The following CDH7 variants were observed in gnomAD, a reference collection of about 807,000 sequenced individuals.
The protein encoded by CDH7 is cadherin 7, also known as cadherin-7.
Under a neutral mutation model 71.8 loss-of-function variants are expected in CDH7, and 25 were observed. That is an observed-to-expected ratio of 0.35 (90% CI 0.25 to 0.49). The LOEUF (loss-of-function observed/expected upper bound fraction) is 0.49. Ranked by LOEUF, CDH7 falls within the 20% of genes least tolerant of loss-of-function variation. The pLI is 0.99. For missense variants in CDH7, 862 were observed against 974.6 expected (o/e 0.88, Z 1.54); for synonymous variants, 381 against 363.8 (o/e 1.05, Z -0.54).
At position 65,756,058 on chromosome 18, in the gene CDH7, G is replaced by A. The variant is rs547711181; in HGVS notation, c.-197+4908G>A. Among the ~76,000 whole-genome samples, 4 of 152,252 alleles carry A rather than the reference G, an allele frequency of 2.6e-5. 1 individual carries two copies. The South Asian group carries it at 8.3e-4, about 32-fold the overall frequency. On this transcript the variant is annotated intron_variant, in intron 1 of 11. Coordinates refer to ENST00000397968, the MANE Select transcript of CDH7 (RefSeq NM_004361.5). ...GTTCATCTTAAAACAATGGTAATAT[G>A]TTTCATAGTTCCCTTGCTGTGGAAT...
chr18:65,807,851 G>A (rs1262232533), intron 2 of CDH7, among the ~76,000 whole-genome samples: 2 of 152,128 alleles, frequency 1.3e-5, no homozygotes, highest in Non-Finnish European at 2.9e-5. Context: ...GAAGATTTGG[G>A]GGGGTGATCA....
rs1261593273 is a variant in CDH7, at chr18:65,785,434, AT to A, written c.210+22387del. ...GTTGTAGCATGGAATTAATTGAGTCATTTTTGAGGCAAATACTGGTCATTTA... is the reference window on the plus strand; with the variant it reads ...GTTGTAGCATGGAATTAATTGAGTCATTTTGAGGCAAATACTGGTCATTTA... On this transcript the variant is annotated intron_variant, in intron 2 of 11. Transcript: ENST00000397968. 9.9e-5 allele frequency among the ~76,000 whole-genome samples: 15 copies of A among 152,246 alleles called. 1 individual carries two copies. The Middle Eastern group carries it at 0.017, about 173-fold the overall frequency.
intron 2 of CDH7, among the ~76,000 whole-genome samples, chr18:65,793,924 G>A (rs28374142): frequency 6.6e-6 from 1 of 152,014 alleles, no homozygotes; most frequent in African/African-American, 2.4e-5. Context: ...GAATAATTTT[G>A]CTATAGAATT....
In CDH7 at chr18:65,805,153, G is replaced by A. The variant is rs1472142749; in HGVS notation, c.211-4551G>A. Among the ~76,000 whole-genome samples the A allele has an allele frequency of 8.6e-5, 13 of 151,746 alleles. 1 individual carries two copies. Among genetic ancestry groups the A allele is most frequent in the Admixed American group, 8.5e-4 (13 of 15,246 alleles). ...CTAAAGGAGTTTATAAATTAAAGTT[G>A]GATATAAAAATAACTAGATTTTCAA... On this transcript the variant is annotated intron_variant, in intron 2 of 11. Coordinates refer to ENST00000397968, the MANE Select transcript of CDH7 (RefSeq NM_004361.5).
At chr18:65,832,085 T>A (rs957106890) in intron 6 of CDH7, among the ~76,000 whole-genome samples, 1 of 152,190 alleles carries the variant, frequency 6.6e-6, no homozygotes, top group Non-Finnish European at 1.5e-5. Context: ...AATGTCCATC[T>A]GGATAGAGTC....
chr18:65,780,009 G>A (rs1334757597), intron 2 of CDH7, among the ~76,000 whole-genome samples: 1 of 110,208 alleles, frequency 9.1e-6, no homozygotes, highest in African/African-American at 5.7e-5. Context: ...ACTGGTGTGA[G>A]ATTATATCTC....
intron 4 of CDH7, among the ~76,000 whole-genome samples, chr18:65,816,567 A>C (rs1911732338): frequency 6.6e-6 from 1 of 152,220 alleles, no homozygotes; most frequent in Admixed American, 6.5e-5. Context: ...AACCATAGGC[A>C]CAGGCCATCA....
intron 7 of CDH7, among the ~76,000 whole-genome samples, chr18:65,848,463 A>AT: frequency 6.6e-6 from 1 of 152,346 alleles, no homozygotes; most frequent in East Asian, 1.9e-4. Context: ...TAAGATAAAT[A>AT]ATCAGCACTC....
chr18:65,858,344 G>A, intron 8 of CDH7, among the ~76,000 whole-genome samples: 1 of 151,738 alleles, frequency 6.6e-6, no homozygotes, highest in African/African-American at 2.4e-5. Flanking sequence ...CCTCATAAAA[G>A]ATAAAATAAT....
intron 3 of CDH7, 111 bp from the exon 4 acceptor site, chr18:65,814,372 GAT>G: frequency 8.2e-7 from 1 of 1,218,326 alleles, no homozygotes; most frequent in Non-Finnish European, 1.2e-6. Flanking sequence ...TCTTGAAAAA[GAT>G]AAATGAAAAT....
chr18:65,768,751 A>G (rs1916454726), intron 2 of CDH7, among the ~76,000 whole-genome samples: 1 of 152,168 alleles, frequency 6.6e-6, no homozygotes, highest in African/African-American at 2.4e-5. Flanking sequence ...GAGCATATGT[A>G]GGCAAGGACT....
At chr18:65,860,055 C>A (rs986813543) in intron 10 of CDH7, among the ~76,000 whole-genome samples, 39 of 152,090 alleles carry the variant, frequency 2.6e-4, no homozygotes, top group African/African-American at 9.4e-4. Flanking sequence ...TTAGATTTTT[C>A]TCATTCTTTT....
At chr18:65,810,869 G>C (rs1911509314) in intron 3 of CDH7, among the ~76,000 whole-genome samples, 1 of 152,146 alleles carries the variant, frequency 6.6e-6, no homozygotes, top group Non-Finnish European at 1.5e-5. Flanking sequence ...TTTAAAACAT[G>C]AAGGCTTTTT....
Position 65,762,779 on chromosome 18 carries a change from G to C in CDH7, c.-64G>C. The C allele has an allele frequency of 3.5e-6, 5 of 1,420,740 alleles. No individual in the cohort carries two copies. The highest frequency in any genetic ancestry group is 3.9e-6 in the Non-Finnish European group (4 of 1,037,478). The allele number at this position is 1,420,740 out of a possible 1,614,324, so 88.0% of individuals were successfully genotyped here. A position where few individuals can be genotyped will look rare whatever the true frequency, so the allele number is the denominator to read the frequency against. ...GAGGCAAGAGCTACTAAGCCAACTG[G>C]AACTGTGCCTTTTCTCTTGTCAAGG... On this transcript the variant is annotated 5_prime_UTR_variant, in exon 2 of 12. Coordinates refer to ENST00000397968, the MANE Select transcript of CDH7 (RefSeq NM_004361.5).
Position 65,880,611 on chromosome 18 carries a change from T to C in CDH7, c.2075T>C (p.Phe692Ser), listed in dbSNP as rs1471906498. 1.7e-5 allele frequency: 28 copies of C among 1,613,886 alleles called. No homozygotes were observed. The highest frequency in any genetic ancestry group is 2.3e-5 in the Non-Finnish European group (27 of 1,179,960). ...AGGGATGTGACTCCAGAAATTCAAT[T>C]CCTGAGTCGACCAGCTTTTAAAAGC... is the stretch of plus-strand genomic sequence containing the variant. ...TRRDVTPEIQ[F>S]LSRPAFKSIP... The change falls in exon 12 of 12, where the codon TTC (phenylalanine) becomes TCC (serine). Residue 692 changes from phenylalanine (F) to serine (S), a missense_variant. Phe to Ser is a radical substitution (Grantham distance 155). Coordinates refer to ENST00000397968, the MANE Select transcript of CDH7 (RefSeq NM_004361.5).
At chr18:65,835,889 T>C (rs547664440) in intron 6 of CDH7, among the ~76,000 whole-genome samples, 1 of 152,244 alleles carries the variant, frequency 6.6e-6, no homozygotes, top group Non-Finnish European at 1.5e-5. Context: ...TTTGGAAACG[T>C]GATTAAGTTA....
intron 7 of CDH7, among the ~76,000 whole-genome samples, chr18:65,854,756 A>G (rs957629025): frequency 6.6e-5 from 10 of 152,142 alleles, no homozygotes; most frequent in Non-Finnish European, 1.2e-4. Context: ...TATTGGCTTA[A>G]TTGATGCATG....
intron 2 of CDH7, among the ~76,000 whole-genome samples, chr18:65,765,523 A>G (rs1412964176): frequency 6.6e-6 from 1 of 151,792 alleles, no homozygotes; most frequent in Non-Finnish European, 1.5e-5. Context: ...GTAGGACAGA[A>G]AGAAATAAAA....
In CDH7 at chr18:65,843,811, G is replaced by A; in HGVS notation, c.982-1G>A. 4 of 1,495,818 alleles carry A rather than the reference G, an allele frequency of 2.7e-6. No individual in the cohort carries two copies. The highest frequency in any genetic ancestry group is 3.6e-6 in the Non-Finnish European group (4 of 1,118,872). 92.7% of individuals were successfully genotyped at this position (1,495,818 alleles called of 1,614,324 possible). On this transcript the variant is annotated splice_acceptor_variant, in intron 6 of 11. Coordinates refer to ENST00000397968, the MANE Select transcript of CDH7 (RefSeq NM_004361.5). LOFTEE classifies it high-confidence loss of function. ...AATTTTCCTAACGACTTTCTTTACAGGAGCTGGATTTTGAAGCCAAAACAA... is the reference window on the plus strand; with the variant it reads ...AATTTTCCTAACGACTTTCTTTACAAGAGCTGGATTTTGAAGCCAAAACAA...
Sources: gnomAD v4.1 joint callset for allele counts (sites outside exome capture counted in the v4.1 genomes callset) on GRCh38, gnomAD v4.1.1 for gene constraint, MANE v1.5 for transcripts, NCBI Gene and HGNC (gene_info 2026-07-23, HGNC 2026-07-21) for gene names.